Variants in CERS6 observed in about 807,000 individuals in gnomAD.
CERS6 encodes ceramide synthase 6.
Under a neutral mutation model 56.8 loss-of-function variants are expected in CERS6, and 26 were observed. The observed-to-expected ratio is 0.46, with a 90% CI of 0.34 to 0.63. The LOEUF (loss-of-function observed/expected upper bound fraction) is 0.63. Among genes scored for constraint, CERS6 ranks in the 30% least tolerant of loss-of-function variants. The pLI is 0.01. For missense variants in CERS6, 415 were observed against 467.5 expected (o/e 0.89, Z 1.04); for synonymous variants, 164 against 173.3 (o/e 0.95, Z 0.42).
At position 168,547,645 on chromosome 2, in the gene CERS6, C is replaced by T; in HGVS notation, c.220C>T (p.Pro74Ser). 1 of 1,613,962 alleles carries T rather than the reference C, an allele frequency of 6.2e-7. No individual in the cohort carries two copies. Among genetic ancestry groups the T allele is most frequent in the Admixed American group, 1.7e-5 (1 of 60,022 alleles). The change falls in exon 2 of 10, where the codon CCA (proline) becomes TCA (serine). Residue 74 changes from proline (P) to serine (S), a missense_variant. Physicochemically the swap from Pro to Ser is moderately conservative, Grantham distance 74. Coordinates refer to ENST00000305747, the MANE Select transcript of CERS6 (RefSeq NM_203463.3). ...AGCCCTCAACATTCAGGCCAATGGA[C>T]CACAAATTGCTCCGCCCAATGCCAT... is the stretch of plus-strand genomic sequence containing the variant. ...AIALNIQANG[P>S]QIAPPNAILE...
In CERS6 at chr2:168,692,771, G is replaced by GA. The variant is rs1686538429; in HGVS notation, c.516+1689dup. Among the ~76,000 whole-genome samples the GA allele has an allele frequency of 3.3e-5, 5 of 152,034 alleles. No individual in the cohort carries two copies. In the South Asian group the frequency reaches 1.0e-3, roughly 32 times the overall value. Reference sequence around the variant, plus strand: ...GATTTCTTTGTGTGTGGGTGGGGGGGAACTAAACAGCATATAATTATTATG... The same window carrying GA: ...GATTTCTTTGTGTGTGGGTGGGGGGGAAACTAAACAGCATATAATTATTATG... On this transcript the variant is annotated intron_variant, in intron 5 of 9. Coordinates refer to ENST00000305747, the MANE Select transcript of CERS6 (RefSeq NM_203463.3).
chr2:168,601,901 T>TA (rs1331999495), intron 3 of CERS6, among the ~76,000 whole-genome samples: 2 of 152,192 alleles, frequency 1.3e-5, no homozygotes, highest in Admixed American at 6.5e-5. Flanking sequence ...TCATAGATCT[T>TA]ATATTTGCAT....
intron 3 of CERS6, among the ~76,000 whole-genome samples, chr2:168,605,460 G>A (rs998335855): frequency 9.9e-5 from 15 of 152,178 alleles, no homozygotes; most frequent in Non-Finnish European, 1.9e-4. Flanking sequence ...TGGCCATGTG[G>A]TAGAAAAGAA....
chr2:168,547,243 C>G (rs762811052), intron 1 of CERS6, among the ~76,000 whole-genome samples: 1 of 152,164 alleles, frequency 6.6e-6, no homozygotes, highest in Non-Finnish European at 1.5e-5. Context: ...GACTATTGCT[C>G]TGTGTAAGAA....
chr2:168,749,274 G>T (rs1030270448), intron 8 of CERS6, among the ~76,000 whole-genome samples: 1 of 127,950 alleles, frequency 7.8e-6, no homozygotes, highest in Non-Finnish European at 1.8e-5. Flanking sequence ...ACCCCTCTTC[G>T]CTATCTGAAT....
At chr2:168,668,171 T>C (rs1685813801) in intron 4 of CERS6, among the ~76,000 whole-genome samples, 1 of 152,224 alleles carries the variant, frequency 6.6e-6, no homozygotes, top group Admixed American at 6.5e-5. Context: ...GATTTTCTTC[T>C]TGACTTTGCA....
intron 8 of CERS6, among the ~76,000 whole-genome samples, chr2:168,744,627 G>T (rs535542108): frequency 6.6e-6 from 1 of 152,262 alleles, no homozygotes; most frequent in African/African-American, 2.4e-5. Flanking sequence ...AAAGCTTGAG[G>T]CTCTGCTGTC....
At chr2:168,713,228 A>G (rs944211326) in intron 6 of CERS6, among the ~76,000 whole-genome samples, 1 of 152,312 alleles carries the variant, frequency 6.6e-6, no homozygotes, top group Non-Finnish European at 1.5e-5. Context: ...CCTAGATTTA[A>G]CCTACATGTT....
intron 3 of CERS6, among the ~76,000 whole-genome samples, chr2:168,564,033 C>T (rs1695839958): frequency 6.6e-6 from 1 of 152,028 alleles, no homozygotes; most frequent in African/African-American, 2.4e-5. Context: ...CCTGCCTTTC[C>T]AAGGTCTTTT....
chr2:168,544,802 GA>G (rs11339858), intron 1 of CERS6, among the ~76,000 whole-genome samples: 125,837 of 151,992 alleles, frequency 0.83, 52,465 homozygotes, highest in South Asian at 0.91. Flanking sequence ...GTGGTGCTGG[GA>G]ACAGTTGGAT....
At chr2:168,620,434 T>C (rs1684442136) in intron 3 of CERS6, among the ~76,000 whole-genome samples, 1 of 152,092 alleles carries the variant, frequency 6.6e-6, no homozygotes, top group South Asian at 2.1e-4. Flanking sequence ...CAAAAAAAGT[T>C]TTTTAAAAAA....
At position 168,617,968 on chromosome 2, in the gene CERS6, A is replaced by G. The variant is rs181445837; in HGVS notation, c.408-13017A>G. ...AGACCAATATCCCTGATGAACATAC[A>G]TGCAAAAATCCTTAACAAAGTACTA... On this transcript the variant is annotated intron_variant, in intron 3 of 9. Transcript: ENST00000305747. Among the ~76,000 whole-genome samples the G allele has an allele frequency of 1.6e-3, 250 of 152,360 alleles. 2 individuals are homozygous for G. In the Middle Eastern group the frequency reaches 0.027, roughly 17 times the overall value.
intron 3 of CERS6, among the ~76,000 whole-genome samples, chr2:168,597,437 G>A (rs76446672): frequency 0.038 from 5,751 of 152,108 alleles, 269 homozygotes; most frequent in African/African-American, 0.1. Context: ...TGAATCTGTC[G>A]GATGACCACT....
At chr2:168,704,766 C>CT (rs1686895545) in intron 6 of CERS6, among the ~76,000 whole-genome samples, 1 of 152,138 alleles carries the variant, frequency 6.6e-6, no homozygotes, top group African/African-American at 2.4e-5. Context: ...GCCACCACAC[C>CT]CGGCTAATTT....
Position 168,581,563 on chromosome 2 carries a change from T to G in CERS6, c.407+20241T>G, listed in dbSNP as rs575051181. ...TAATTCCCTTTTAACTATTTCTGTTTATTATCTTCTCCTTCTAGTTTTTAG... is the reference window on the plus strand; with the variant it reads ...TAATTCCCTTTTAACTATTTCTGTTGATTATCTTCTCCTTCTAGTTTTTAG... On this transcript the variant is annotated intron_variant, in intron 3 of 9. Coordinates refer to ENST00000305747, the MANE Select transcript of CERS6 (RefSeq NM_203463.3). 2.0e-5 allele frequency among the ~76,000 whole-genome samples: 3 copies of G among 152,326 alleles called. No homozygotes were observed. In the South Asian group the frequency reaches 6.2e-4, roughly 32 times the overall value.
At position 168,715,130 on chromosome 2, in the gene CERS6, G is replaced by A; in HGVS notation, c.738+1G>A. On this transcript the variant is annotated splice_donor_variant, in intron 7 of 9. Coordinates refer to ENST00000305747, the MANE Select transcript of CERS6 (RefSeq NM_203463.3). LOFTEE classifies it high-confidence loss of function. ...TGATTCAGCTGATGCTCTTCTGGAGGTAAAAGTTTTCTTTCATCTTTAAGA... is the reference window on the plus strand; with the variant it reads ...TGATTCAGCTGATGCTCTTCTGGAGATAAAAGTTTTCTTTCATCTTTAAGA... 1 of 1,602,108 alleles carries A rather than the reference G, an allele frequency of 6.2e-7. No homozygotes were observed. The highest frequency in any genetic ancestry group is 1.1e-5 in the South Asian group (1 of 88,318).
intron 1 of CERS6, among the ~76,000 whole-genome samples, chr2:168,508,721 G>C (rs139729629): frequency 6.6e-6 from 1 of 152,026 alleles, no homozygotes; most frequent in South Asian, 2.1e-4. Flanking sequence ...GGGGGTGGGG[G>C]GTAGGGGAGG....
chr2:168,691,364 G>T (rs916964544), intron 5 of CERS6, among the ~76,000 whole-genome samples: 2 of 152,158 alleles, frequency 1.3e-5, no homozygotes, highest in African/African-American at 4.8e-5. Flanking sequence ...GGAAATTCCT[G>T]CTCCTAACAG....
rs530314525 is a variant in CERS6, at chr2:168,742,868, TA to T, written c.846-22722del. Among the ~76,000 whole-genome samples the T allele has an allele frequency of 2.0e-3, 312 of 152,300 alleles. 1 individual carries two copies. The highest frequency in any genetic ancestry group is 3.5e-3 in the Non-Finnish European group (236 of 68,026). On this transcript the variant is annotated intron_variant, in intron 8 of 9. Coordinates refer to ENST00000305747, the MANE Select transcript of CERS6 (RefSeq NM_203463.3). ...TGCAGTGGGGGGTCATTAGAAGACT[TA>T]AGGCAGAAGAATTGATTCTAATGAT...
Sources: allele counts gnomAD v4.1 joint callset (sites outside exome capture counted in the v4.1 genomes callset), GRCh38; gene constraint gnomAD v4.1.1; transcripts MANE v1.5; gene names NCBI Gene and HGNC (gene_info 2026-07-23, HGNC 2026-07-21).